Variants in GSE1 observed in about 807,000 individuals in gnomAD.
GSE1 encodes the protein Gse1 coiled-coil protein, also known as genetic suppressor element 1.
GSE1 carries 32 observed loss-of-function variants against 112.6 expected under a neutral mutation model. The ratio of observed to expected loss-of-function variants is 0.28; its 90% CI spans 0.21 to 0.38. GSE1 has a LOEUF of 0.38. Ranked by LOEUF, GSE1 falls within the 10% of genes least tolerant of loss-of-function variation. The pLI, the probability that GSE1 is intolerant of heterozygous loss-of-function variation, is 1.00. For synonymous variants in GSE1, 1,115 were observed against 735.6 expected (o/e 1.52, Z -8.35); for missense variants, 2,348 against 1,699.2 (o/e 1.38, Z -6.71).
intron 1 of GSE1, among the ~76,000 whole-genome samples, chr16:85,204,362 C>G (rs1297566055): frequency 6.6e-6 from 1 of 152,214 alleles, no homozygotes; most frequent in African/African-American, 2.4e-5. Context: ...AGCCCGTGGG[C>G]TTTTGGGTTG....
chr16:85,503,160 A>T (rs1567542244), intron 2 of GSE1, among the ~76,000 whole-genome samples: 1 of 152,242 alleles, frequency 6.6e-6, no homozygotes, highest in Non-Finnish European at 1.5e-5. Flanking sequence ...GAACAGCAGG[A>T]GGCCAGAGTG....
chr16:85,554,301 G>C (rs182853156), upstream of GSE1, among the ~76,000 whole-genome samples: 349 of 152,284 alleles, frequency 2.3e-3, 3 homozygotes, highest in African/African-American at 8.1e-3. Context: ...TCTTGAGCTG[G>C]TGTGAAAGGG....
At chr16:85,617,270 C>T (rs947140959) in intron 1 of GSE1, among the ~76,000 whole-genome samples, 2 of 152,280 alleles carry the variant, frequency 1.3e-5, no homozygotes, top group Middle Eastern at 3.4e-3. Flanking sequence ...GAGGCTGGGG[C>T]GGAGTCCAGG....
At chr16:85,444,264 G>A (rs1005411279) in intron 2 of GSE1, among the ~76,000 whole-genome samples, 6 of 152,308 alleles carry the variant, frequency 3.9e-5, no homozygotes, top group Middle Eastern at 3.4e-3. Context: ...GATTACAGGC[G>A]TAAGCCATTA....
intron 2 of GSE1, among the ~76,000 whole-genome samples, chr16:85,383,385 T>G (rs1050116901): frequency 1.3e-5 from 2 of 149,328 alleles, no homozygotes; most frequent in African/African-American, 5.0e-5. Context: ...ACAGCACACA[T>G]ACACTCACAC....
At position 85,499,295 on chromosome 16, in the gene GSE1, C is replaced by CTT. The variant is rs568776401; in HGVS notation, c.2465-134587_2465-134586dup. 4.0e-3 allele frequency among the ~76,000 whole-genome samples: 309 copies of CTT among 77,174 alleles called. 9 individuals are homozygous for CTT. Among genetic ancestry groups the CTT allele is most frequent in the African/African-American group, 8.3e-3 (161 of 19,492 alleles). The allele number at this position is 77,174 out of a possible 152,430, so 50.6% of individuals were successfully genotyped here. On this transcript the variant is annotated intron_variant, in intron 2 of 2. Coordinates refer to the GSE1 transcript ENST00000637419. Reference sequence around the variant, plus strand: ...GTCAGAGAGAAGGCAGGAAAGTCACCTTTTTTTTTTTTTTTTTTTTTTTTT... The same window carrying CTT: ...GTCAGAGAGAAGGCAGGAAAGTCACCTTTTTTTTTTTTTTTTTTTTTTTTTTT...
At chr16:85,613,878 C>G (rs1272491361) in intron 1 of GSE1, among the ~76,000 whole-genome samples, 5 of 147,730 alleles carry the variant, frequency 3.4e-5, no homozygotes, top group Non-Finnish European at 7.5e-5. Context: ...GGGGTGCTCG[C>G]TACTGGGGCC....
rs1043944120 is a variant in GSE1 at position 85,430,256 on chromosome 16, G to A, written c.2464+72613G>A. ...AAACAGATAGAATGCAGTGAAGGAT[G>A]AGGCCAGCCCCAGAAGCAGTTTGGA... On this transcript the variant is annotated intron_variant, in intron 2 of 2. Transcript: ENST00000637419. Among the ~76,000 whole-genome samples the A allele has an allele frequency of 5.3e-5, 8 of 152,238 alleles. No individual in the cohort carries two copies. In the South Asian group the frequency reaches 1.2e-3, roughly 24 times the overall value.
At chr16:85,331,511 A>ATATGTGTATATATGTG (rs2046356966) in intron 1 of GSE1, among the ~76,000 whole-genome samples, 1 of 107,178 alleles carries the variant, frequency 9.3e-6, no homozygotes, top group African/African-American at 3.3e-5. Context: ...GTATATATGT[A>ATATGTGTATATATGTG]TATATGTGTA....
intron 2 of GSE1, among the ~76,000 whole-genome samples, chr16:85,470,407 G>T (rs78840513): frequency 0.031 from 4,678 of 148,686 alleles, 143 homozygotes; most frequent in Middle Eastern, 0.058. Context: ...CTTGCCCGAG[G>T]CCCCGGACGC....
At chr16:85,171,443 C>T (rs1172517233) in exon 1 of GSE1, 1 of 985,402 alleles carries the variant, frequency 1.0e-6, no homozygotes, top group Admixed American at 6.1e-5. Context: ...CCTGTGGACT[C>T]CACCGGCCTG....
At chr16:85,301,181 A>C (rs1038622377) in intron 1 of GSE1, among the ~76,000 whole-genome samples, 4 of 152,188 alleles carry the variant, frequency 2.6e-5, no homozygotes, top group Non-Finnish European at 4.4e-5. Context: ...TGCCAAGCCC[A>C]CTGCAGGCAT....
intron 2 of GSE1, among the ~76,000 whole-genome samples, chr16:85,478,894 T>TCTTTCTTTCTTTC (rs2050563079): frequency 1.3e-5 from 1 of 77,484 alleles, no homozygotes; most frequent in African/African-American, 7.7e-5. Context: ...TTTCTTTCTT[T>TCTTTCTTTCTTTC]CTTTCTTTCT....
intron 2 of GSE1, among the ~76,000 whole-genome samples, chr16:85,545,223 T>C (rs4843456): frequency 0.12 from 18,387 of 152,230 alleles, 1,601 homozygotes; most frequent in African/African-American, 0.25. Flanking sequence ...GCTGTCTGAT[T>C]TCTCTGGCAT....
intron 1 of GSE1, among the ~76,000 whole-genome samples, chr16:85,567,048 C>T (rs1210204253): frequency 6.6e-5 from 10 of 150,618 alleles, no homozygotes; most frequent in African/African-American, 2.0e-4. Flanking sequence ...CCACCCCCAC[C>T]CCCACCCCCA....
intron 1 of GSE1, among the ~76,000 whole-genome samples, chr16:85,187,691 C>T (rs1323645450): frequency 2.0e-5 from 3 of 152,202 alleles, no homozygotes; most frequent in Non-Finnish European, 4.4e-5. Flanking sequence ...TGGGTGGCCT[C>T]AGCAGGTCAC....
chr16:85,205,101 C>T (rs1426766168), intron 1 of GSE1, among the ~76,000 whole-genome samples: 2 of 152,026 alleles, frequency 1.3e-5, no homozygotes, highest in African/African-American at 4.8e-5. Flanking sequence ...ATGCTGTCAT[C>T]GTTGTCTCCT....
At chr16:85,621,133 C>T (rs1225615862) in intron 1 of GSE1, among the ~76,000 whole-genome samples, 127 of 63,904 alleles carry the variant, frequency 2.0e-3, no homozygotes, top group Middle Eastern at 0.014. Context: ...GGGTCTCTGC[C>T]CTGTTGGGGA....
At chr16:85,275,558 T>C (rs1909274877) in intron 1 of GSE1, among the ~76,000 whole-genome samples, 1 of 152,148 alleles carries the variant, frequency 6.6e-6, no homozygotes. Context: ...ATTCCGGAGC[T>C]AGCACCCAGC....
Sources: gnomAD v4.1 joint callset for allele counts (sites outside exome capture counted in the v4.1 genomes callset) on GRCh38, gnomAD v4.1.1 for gene constraint, MANE v1.5 for transcripts, NCBI Gene and HGNC (gene_info 2026-07-23, HGNC 2026-07-21) for gene names.